OSBPL11: variants seen among roughly 807,000 people sequenced by gnomAD.
OSBPL11 encodes the protein oxysterol binding protein like 11, also known as oxysterol-binding protein-related protein 11.
Under a neutral mutation model 84.4 loss-of-function variants are expected in OSBPL11, and 33 were observed. The ratio of observed to expected loss-of-function variants is 0.39; its 90% confidence interval spans 0.30 to 0.52. The LOEUF is 0.52. Ranked by LOEUF, OSBPL11 falls within the 20% of genes least tolerant of loss-of-function variation. The pLI, the probability that OSBPL11 is intolerant of heterozygous loss-of-function variation, is 0.72. For synonymous variants in OSBPL11, 276 were observed against 310.2 expected (o/e 0.89, Z 1.16); for missense variants, 736 against 901.1 (o/e 0.82, Z 2.35).
chr3:125,572,450 A>C (rs1936256488), intron 5 of OSBPL11, among the ~76,000 whole-genome samples: 1 of 152,076 alleles, frequency 6.6e-6, no homozygotes, highest in African/African-American at 2.4e-5. Context: ...AGGCAGAATG[A>C]TATGGTTTGG....
chr3:125,539,462 GAC>G (rs1012717740), intron 10 of OSBPL11, among the ~76,000 whole-genome samples: 28 of 151,672 alleles, frequency 1.8e-4, no homozygotes, highest in Admixed American at 4.0e-4. Flanking sequence ...TTATTTTTGA[GAC>G]AGAGTCTTGC....
chr3:125,574,956 C>T (rs534784478), intron 5 of OSBPL11, among the ~76,000 whole-genome samples: 71 of 152,270 alleles, frequency 4.7e-4, no homozygotes, highest in African/African-American at 1.6e-3. Context: ...AGATTCCACA[C>T]GGCATCTAAC....
chr3:125,552,653 C>G lies in OSBPL11; in HGVS notation c.1182G>C (p.Glu394Asp). ...CATACATTTCCAGCAAGGAACGCTT[C>G]TCTAGGATAAATGTAGGAAGCACCA... is the stretch of plus-strand genomic sequence containing the variant. ...TRVVLPTFIL[E>D]KRSLLEMYAD... is the part of the protein sequence containing the mutation. The change falls in exon 9 of 13, where the codon GAG becomes GAC. Residue 394 changes from glutamate to aspartate, a missense_variant. Around this residue, in one of 3 missense-constraint regions of OSBPL11, gnomAD observed 579 missense variants for 717.6 expected, o/e 0.81. Coordinates refer to ENST00000296220, the MANE Select transcript of OSBPL11 (RefSeq NM_022776.5). 6.2e-7 allele frequency: 1 copy of G among 1,613,266 alleles called. No homozygotes were observed. Among genetic ancestry groups the G allele is most frequent in the Non-Finnish European group, 8.5e-7 (1 of 1,179,652 alleles).
rs200203667 is a variant in OSBPL11, at chr3:125,530,572, G to T, written c.2187C>A (p.Gly729=). The change falls in exon 13 of 13, where the codon GGC becomes GGA. Residue 729 remains glycine, a synonymous_variant. Transcript: ENST00000296220. The stretch of plus-strand genomic sequence containing the variant: ...TCCAAAGTGGTTTATGATAAACCCA[G>T]CCATCTCCCTGAAACAAATAAAAAG... ...KTKYFIKEGD[G]WVYHKPLWKI... is the part of the protein sequence containing the mutation. 2 of 1,612,766 alleles carry T rather than the reference G, an allele frequency of 1.2e-6. No individual in the cohort carries two copies. Among genetic ancestry groups the T allele is most frequent in the Non-Finnish European group, 1.7e-6 (2 of 1,178,844 alleles).
intron 1 of OSBPL11, among the ~76,000 whole-genome samples, chr3:125,585,333 G>C (rs1024167522): frequency 1.3e-5 from 2 of 151,964 alleles, no homozygotes; most frequent in African/African-American, 2.4e-5. Context: ...GTTTCGTAAA[G>C]ATGGGTTGGC....
rs574427912 is a variant in OSBPL11 at position 125,537,159 on chromosome 3, C to CAA, written c.2024+1290_2024+1291dup. 5.2e-3 allele frequency among the ~76,000 whole-genome samples: 458 copies of CAA among 88,176 alleles called. 9 individuals carry two copies. The highest frequency in any genetic ancestry group is 0.027 in the Admixed American group (219 of 8,124). The allele number at this position is 88,176 out of a possible 152,430, so 57.8% of individuals were successfully genotyped here. A position where few individuals can be genotyped will look rare whatever the true frequency, so the allele number is the denominator to read the frequency against. Reference sequence around the variant, plus strand: ...TGGGTGACAGGGTGAGACCCTGTCTCAAAAAAAAAAAAAAAAAAAGACATG... The same window carrying CAA: ...TGGGTGACAGGGTGAGACCCTGTCTCAAAAAAAAAAAAAAAAAAAAAGACATG... On this transcript the variant is annotated intron_variant, in intron 11 of 12. Coordinates refer to ENST00000296220, the MANE Select transcript of OSBPL11 (RefSeq NM_022776.5).
At chr3:125,542,533 T>C (rs1935746527) in intron 10 of OSBPL11, among the ~76,000 whole-genome samples, 1 of 148,118 alleles carries the variant, frequency 6.8e-6, no homozygotes, top group Non-Finnish European at 1.5e-5. Flanking sequence ...TTTTGAGACG[T>C]AGCCTCACTT....
At chr3:125,558,393 C>G (rs1936024424) in intron 8 of OSBPL11, among the ~76,000 whole-genome samples, 1 of 152,140 alleles carries the variant, frequency 6.6e-6, no homozygotes, top group African/African-American at 2.4e-5. Context: ...ATTTCTAGAA[C>G]AGAAATGATT....
chr3:125,580,590 G>C (rs1329852834), intron 2 of OSBPL11, among the ~76,000 whole-genome samples: 1 of 151,082 alleles, frequency 6.6e-6, no homozygotes, highest in African/African-American at 2.4e-5. Flanking sequence ...CTGAGGGAGA[G>C]GCATTTATTA....
chr3:125,593,418 G>C (rs756019846), intron 1 of OSBPL11, among the ~76,000 whole-genome samples: 1 of 152,030 alleles, frequency 6.6e-6, no homozygotes, highest in Admixed American at 6.6e-5. Flanking sequence ...TCAGGAGTTC[G>C]AGACCAGCCT....
chr3:125,549,518 G>C (rs1437620407), intron 9 of OSBPL11, among the ~76,000 whole-genome samples: 1 of 152,110 alleles, frequency 6.6e-6, no homozygotes, highest in African/African-American at 2.4e-5. Context: ...GTTCTCCTCT[G>C]TCATGCAGGC....
chr3:125,544,362 G>T (rs146599776), intron 10 of OSBPL11, among the ~76,000 whole-genome samples: 2 of 152,132 alleles, frequency 1.3e-5, no homozygotes, highest in East Asian at 3.9e-4. Context: ...GGCCAAGAAT[G>T]GTTTTAAGAA....
chr3:125,589,992 C>A (rs903216048), intron 1 of OSBPL11, among the ~76,000 whole-genome samples: 1 of 152,184 alleles, frequency 6.6e-6, no homozygotes, highest in African/African-American at 2.4e-5. Context: ...TTGAATAGTT[C>A]TCTTCTGCCC....
intron 4 of OSBPL11, among the ~76,000 whole-genome samples, chr3:125,577,407 T>C (rs911287691): frequency 1.0e-3 from 152 of 152,128 alleles, no homozygotes; most frequent in Non-Finnish European, 7.4e-4. Flanking sequence ...CACGAAAAGG[T>C]GCTCAACATG....
intron 5 of OSBPL11, among the ~76,000 whole-genome samples, chr3:125,571,275 C>T (rs1229806412): frequency 1.3e-5 from 2 of 152,302 alleles, no homozygotes; most frequent in Admixed American, 1.3e-4. Flanking sequence ...CAAGAGGTAA[C>T]TTGGGTGTTG....
At chr3:125,561,981 C>T (rs115397249) in intron 7 of OSBPL11, among the ~76,000 whole-genome samples, 1 of 152,286 alleles carries the variant, frequency 6.6e-6, no homozygotes, top group African/African-American at 2.4e-5. Context: ...ACCAGGCAAG[C>T]TTTCTCTTCA....
At chr3:125,586,275 T>G (rs527408613) in intron 1 of OSBPL11, among the ~76,000 whole-genome samples, 1 of 152,302 alleles carries the variant, frequency 6.6e-6, no homozygotes, top group East Asian at 1.9e-4. Flanking sequence ...ATAAAGTTAA[T>G]TTCTTCTTCA....
chr3:125,591,056 C>T (rs1936588229), intron 1 of OSBPL11, among the ~76,000 whole-genome samples: 1 of 152,134 alleles, frequency 6.6e-6, no homozygotes, highest in Non-Finnish European at 1.5e-5. Flanking sequence ...AATGTGATAA[C>T]AGATGTGAAA....
rs1239624295 is a variant in OSBPL11, at chr3:125,552,139, G to GTATATATA, written c.1654+41_1654+42insTATATATA. 2.6e-5 allele frequency: 26 copies of GTATATATA among 1,001,838 alleles called. No individual in the cohort carries two copies. The African/African-American group carries it at 5.3e-4, about 20-fold the overall frequency. 62.1% of individuals were successfully genotyped at this position (1,001,838 alleles called of 1,614,324 possible). ...AAAAAATACATATATATATGTGTGT[G>GTATATATA]TGTATATATATATATATATATAAAA... On this transcript the variant is annotated intron_variant, in intron 9 of 12. Coordinates refer to ENST00000296220, the MANE Select transcript of OSBPL11 (RefSeq NM_022776.5).
Sources: allele counts gnomAD v4.1 joint callset (sites outside exome capture counted in the v4.1 genomes callset), GRCh38; gene constraint gnomAD v4.1.1; regional missense constraint gnomAD v4.1.1; transcripts MANE v1.5; gene names NCBI Gene and HGNC (gene_info 2026-07-23, HGNC 2026-07-21).